The following DAPK1 variants were observed in gnomAD, a reference collection of about 807,000 sequenced individuals.
The protein encoded by DAPK1 is death associated protein kinase 1, also known as death-associated protein kinase 1.
In DAPK1, 56 loss-of-function variants were observed where a neutral mutation model predicts 144.9. The ratio of observed to expected loss-of-function variants is 0.39; its 90% CI spans 0.31 to 0.48. The LOEUF (loss-of-function observed/expected upper bound fraction) is 0.48, where lower values mean the gene tolerates loss of function less well. DAPK1 is among the 20% of genes least tolerant of loss of function. The pLI is 0.95. For missense variants in DAPK1, 1,454 were observed against 1,875.4 expected, an observed-to-expected ratio of 0.78 and a Z score of 4.15; for synonymous variants, 690 against 749.0, an observed-to-expected ratio of 0.92 and a Z score of 1.29.
At chr9:87,498,731 G>A in intron 1 of DAPK1, 1 of 432,112 alleles carries the variant, frequency 2.3e-6, no homozygotes, top group East Asian at 3.2e-5. Context: ...ACCGCCCAGC[G>A]TTTGGGGACG....
intron 19 of DAPK1, among the ~76,000 whole-genome samples, chr9:87,674,559 C>A (rs1824295572): frequency 6.9e-6 from 1 of 144,960 alleles, no homozygotes; most frequent in African/African-American, 2.6e-5. Flanking sequence ...TTTTACTAAA[C>A]CTAAGACCCA....
At chr9:87,650,144 G>C in intron 16 of DAPK1, 26 bp downstream of exon 16, 1 of 1,612,020 alleles carries the variant, frequency 6.2e-7, no homozygotes, top group Non-Finnish European at 8.5e-7. Flanking sequence ...AGACTCATAT[G>C]CACTGGGAAG....
chr9:87,673,842 A>T (rs1156901408), intron 19 of DAPK1, among the ~76,000 whole-genome samples: 2 of 152,150 alleles, frequency 1.3e-5, no homozygotes, highest in East Asian at 3.9e-4. Flanking sequence ...TGATAGGTTC[A>T]TCATTGCTTT....
intron 2 of DAPK1, among the ~76,000 whole-genome samples, chr9:87,597,560 C>T (rs1828361976): frequency 6.6e-6 from 1 of 152,092 alleles, no homozygotes; most frequent in Non-Finnish European, 1.5e-5. Context: ...TGGTAATTTT[C>T]ATCCTTTCCA....
At chr9:87,649,510 C>T (rs1830373343) in intron 15 of DAPK1, among the ~76,000 whole-genome samples, 2 of 152,200 alleles carry the variant, frequency 1.3e-5, no homozygotes, top group South Asian at 4.1e-4. Flanking sequence ...GAAGTGGTTA[C>T]CTACTGTTAG....
At chr9:87,676,329 T>C (rs953051040) in intron 19 of DAPK1, among the ~76,000 whole-genome samples, 2 of 152,254 alleles carry the variant, frequency 1.3e-5, no homozygotes, top group Non-Finnish European at 2.9e-5. Flanking sequence ...CCTGGAGCCC[T>C]CTCTGAGTTG....
At chr9:87,605,970 T>C (rs1021689237) in intron 3 of DAPK1, among the ~76,000 whole-genome samples, 2 of 152,154 alleles carry the variant, frequency 1.3e-5, no homozygotes, top group African/African-American at 4.8e-5. Flanking sequence ...TGTGAGTGCC[T>C]TGAGGGAGGA....
chr9:87,638,167 A>G (rs1564036474), intron 4 of DAPK1, 86 bp downstream of exon 4: 3 of 1,371,840 alleles, frequency 2.2e-6, no homozygotes, highest in East Asian at 2.3e-5. Context: ...GAGGCATCTG[A>G]AAGAGTTACA....
chr9:87,579,863 G>T (rs1827689861), intron 2 of DAPK1, among the ~76,000 whole-genome samples: 1 of 152,076 alleles, frequency 6.6e-6, no homozygotes, highest in South Asian at 2.1e-4. Context: ...CAATAAAAAT[G>T]TATTAAGTAG....
At chr9:87,613,944 G>C (rs1365713203) in intron 3 of DAPK1, among the ~76,000 whole-genome samples, 3 of 152,198 alleles carry the variant, frequency 2.0e-5, no homozygotes, top group Non-Finnish European at 2.9e-5. Context: ...AAGAGCTCTT[G>C]TGGGTTCCAC....
chr9:87,538,286 A>T (rs1360567809), intron 2 of DAPK1, among the ~76,000 whole-genome samples: 1 of 152,152 alleles, frequency 6.6e-6, no homozygotes, highest in Non-Finnish European at 1.5e-5. Context: ...TATCAAACTA[A>T]TAATGGCCAT....
At chr9:87,604,903 A>G in intron 2 of DAPK1, 51 bp from the exon 3 acceptor site, 2 of 1,570,938 alleles carry the variant, frequency 1.3e-6, no homozygotes, top group Non-Finnish European at 1.7e-6. Flanking sequence ...TCCTCACTCA[A>G]ATCCTGTTTT....
chr9:87,645,099 C>T (rs1341938982), intron 11 of DAPK1, among the ~76,000 whole-genome samples: 1 of 152,170 alleles, frequency 6.6e-6, no homozygotes, highest in African/African-American at 2.4e-5. Context: ...TGTAGATTAA[C>T]TTTTCCAGAT....
chr9:87,628,041 G>C (rs1222648587), intron 3 of DAPK1, among the ~76,000 whole-genome samples: 5 of 152,180 alleles, frequency 3.3e-5, no homozygotes, highest in African/African-American at 7.2e-5. Context: ...ACTGCCTGCA[G>C]TGCCTCTGAA....
intron 3 of DAPK1, among the ~76,000 whole-genome samples, chr9:87,615,977 G>A (rs1248415119): frequency 1.3e-5 from 2 of 152,250 alleles, no homozygotes; most frequent in Admixed American, 6.5e-5. Context: ...TGGTTGGCCA[G>A]CTTTGCTCTT....
intron 10 of DAPK1, among the ~76,000 whole-genome samples, chr9:87,643,058 C>A (rs1297374766): frequency 6.6e-6 from 1 of 152,102 alleles, no homozygotes; most frequent in African/African-American, 2.4e-5. Context: ...CTCCAAACAG[C>A]AGAGAAGAAA....
At chr9:87,563,195 T>C (rs947207682) in intron 2 of DAPK1, among the ~76,000 whole-genome samples, 3 of 152,236 alleles carry the variant, frequency 2.0e-5, no homozygotes, top group African/African-American at 7.2e-5. Flanking sequence ...TAAACTCCAA[T>C]TTCTAAGTTT....
intron 21 of DAPK1, among the ~76,000 whole-genome samples, chr9:87,690,229 A>AAG (rs1825009144): frequency 2.0e-5 from 3 of 152,020 alleles, no homozygotes; most frequent in Admixed American, 6.6e-5. Context: ...CTCTTTGGTT[A>AAG]AATTTATTCC....
chr9:87,639,299 T>C, intron 4 of DAPK1, 55 bp from the exon 5 acceptor site: 1 of 1,457,540 alleles, frequency 6.9e-7, no homozygotes, highest in Non-Finnish European at 9.2e-7. Context: ...TTCTGCCATC[T>C]TGTCCTCAGC....
Sources: gnomAD v4.1 joint callset for allele counts (sites outside exome capture counted in the v4.1 genomes callset) on GRCh38, gnomAD v4.1.1 for gene constraint, MANE v1.5 for transcripts, NCBI Gene and HGNC (gene_info 2026-07-23, HGNC 2026-07-21) for gene names.